The following MYH15 variants were observed in gnomAD, a reference collection of about 807,000 sequenced individuals.
MYH15 encodes the protein myosin heavy chain 15, also known as myosin-15.
In MYH15, 227 loss-of-function variants were observed where a neutral mutation model predicts 240.5. The observed-to-expected ratio is 0.94, with a 90% confidence interval of 0.85 to 1.05. MYH15 has a LOEUF of 1.05. MYH15 is among the 50% of genes least tolerant of loss of function. The pLI, the probability that MYH15 is intolerant of heterozygous loss-of-function variation, is 0.00. For synonymous variants in MYH15, 785 were observed against 796.7 expected (o/e 0.99, Z 0.25); for missense variants, 2,217 against 2,247.5 (o/e 0.99, Z 0.27).
At chr3:108,479,428 C>G (rs2083247644) in intron 11 of MYH15, among the ~76,000 whole-genome samples, 1 of 152,160 alleles carries the variant, frequency 6.6e-6, no homozygotes, top group Non-Finnish European at 1.5e-5. Flanking sequence ...CTGGGCCGCT[C>G]TAGTTTTATC....
the MYH15 span, among the ~76,000 whole-genome samples, chr3:108,538,875 G>A: frequency 6.6e-6 from 1 of 152,156 alleles, no homozygotes; most frequent in South Asian, 2.1e-4. Context: ...CATCCCGTGA[G>A]GGTCTTCTTG....
intron 9 of MYH15, among the ~76,000 whole-genome samples, chr3:108,487,954 A>T (rs2083318520): frequency 6.6e-6 from 1 of 152,220 alleles, no homozygotes; most frequent in South Asian, 2.1e-4. Context: ...TTATTTTTTA[A>T]ATTGACAATT....
chr3:108,416,430 A>G (rs1170354866), intron 29 of MYH15, among the ~76,000 whole-genome samples: 1 of 152,262 alleles, frequency 6.6e-6, no homozygotes, highest in African/African-American at 2.4e-5. Context: ...ACTAATTTCT[A>G]TAATTTATTG....
intron 1 of MYH15, among the ~76,000 whole-genome samples, chr3:108,524,449 G>A (rs1216080081): frequency 6.6e-6 from 1 of 151,866 alleles, no homozygotes; most frequent in African/African-American, 2.4e-5. Context: ...TACATTTTGT[G>A]TGCTAATCCT....
chr3:108,416,759 T>TA lies in MYH15; in HGVS notation c.3948+52dup, dbSNP rs56933265. 1,989 of 1,414,686 alleles carry TA rather than the reference T, an allele frequency of 1.4e-3. 7 individuals are homozygous for TA. The African/African-American group carries it at 0.017, about 12-fold the overall frequency. 87.6% of individuals were successfully genotyped at this position (1,414,686 alleles called of 1,614,324 possible). A position where few individuals can be genotyped will look rare whatever the true frequency, so the allele number is the denominator to read the frequency against. On this transcript the variant is annotated intron_variant, in intron 29 of 40. Transcript: ENST00000693548. ...GGCTGATTCATCAAGCACTATTTTTTAAAAAAAAAAACACACAGTCAAGAA... is the reference window on the plus strand; with the variant it reads ...GGCTGATTCATCAAGCACTATTTTTTAAAAAAAAAAAACACACAGTCAAGAA...
At chr3:108,530,651 G>A (rs1463425232), upstream of MYH15, among the ~76,000 whole-genome samples, 1 of 152,182 alleles carries the variant, frequency 6.6e-6, no homozygotes, top group African/African-American at 2.4e-5. Flanking sequence ...TTGATAATGG[G>A]TGAGGCTATG....
At chr3:108,463,511 A>G (rs1233729209) in intron 15 of MYH15, among the ~76,000 whole-genome samples, 1 of 151,724 alleles carries the variant, frequency 6.6e-6, no homozygotes, top group Non-Finnish European at 1.5e-5. Flanking sequence ...TATTTTGTGT[A>G]TGTGTGGAGA....
At chr3:108,484,836 T>C (rs893969733) in intron 11 of MYH15, among the ~76,000 whole-genome samples, 1 of 152,212 alleles carries the variant, frequency 6.6e-6, no homozygotes, top group African/African-American at 2.4e-5. Flanking sequence ...AGGCATACTG[T>C]GTCTTAATTC....
the MYH15 span, among the ~76,000 whole-genome samples, chr3:108,535,876 C>T: frequency 1.3e-5 from 2 of 152,198 alleles, no homozygotes; most frequent in Non-Finnish European, 2.9e-5. Context: ...AAGATGTCCC[C>T]TAACTTGCAA....
intron 1 of MYH15, among the ~76,000 whole-genome samples, chr3:108,525,162 T>C (rs1340016928): frequency 1.3e-5 from 2 of 152,074 alleles, no homozygotes; most frequent in Non-Finnish European, 2.9e-5. Flanking sequence ...AAATGGATAT[T>C]GGTCACTGCA....
intron 1 of MYH15, among the ~76,000 whole-genome samples, chr3:108,506,343 G>A (rs1026574099): frequency 6.6e-6 from 1 of 152,184 alleles, no homozygotes; most frequent in African/African-American, 2.4e-5. Flanking sequence ...GGCAGGTTGA[G>A]GAGAGAGAAT....
At chr3:108,452,488 T>TA (rs1355605217) in intron 21 of MYH15, among the ~76,000 whole-genome samples, 2 of 152,132 alleles carry the variant, frequency 1.3e-5, no homozygotes, top group Admixed American at 6.6e-5. Flanking sequence ...ATACAGCAGT[T>TA]AAAATCAATA....
chr3:108,510,447 C>T lies in MYH15; in HGVS notation c.84G>A (p.Leu28=). The change falls in exon 1 of 41, where the codon TTG becomes TTA. Residue 28 remains leucine, a synonymous_variant. Coordinates refer to ENST00000693548, the MANE Select transcript of MYH15 (RefSeq NM_014981.3). ...AGCAACCACCACATGTCTCACCATCCAAGGCTGTGGCCTGTAGTAGAAGCA... is the reference window on the plus strand; with the variant it reads ...AGCAACCACCACATGTCTCACCATCTAAGGCTGTGGCCTGTAGTAGAAGCA... ...AELLLLQATA[L]DGKKKCWIPD... 1 of 1,607,022 alleles carries T rather than the reference C, an allele frequency of 6.2e-7. No individual in the cohort carries two copies. Among genetic ancestry groups the T allele is most frequent in the Non-Finnish European group, 8.5e-7 (1 of 1,177,858 alleles).
At chr3:108,393,563 A>G (rs2082437065) in intron 36 of MYH15, among the ~76,000 whole-genome samples, 1 of 152,262 alleles carries the variant, frequency 6.6e-6, no homozygotes, top group Admixed American at 6.5e-5. Flanking sequence ...GCAGCCCTGA[A>G]ACCCTTTTTT....
Position 108,470,233 on chromosome 3 carries a change from A to T in MYH15, c.1384-21T>A, listed in dbSNP as rs374738227. 8.0e-5 allele frequency: 122 copies of T among 1,523,204 alleles called. No individual in the cohort carries two copies. The African/African-American group carries it at 1.5e-3, about 19-fold the overall frequency. 94.4% of individuals were successfully genotyped at this position (1,523,204 alleles called of 1,614,324 possible). Reference sequence around the variant, plus strand: ...TTATACTTCAAGGATATGAATAGGTAAGAAGAAGAGATAAAAATAAAATTG... The same window carrying T: ...TTATACTTCAAGGATATGAATAGGTTAGAAGAAGAGATAAAAATAAAATTG... On this transcript the variant is annotated intron_variant, in intron 13 of 40. Coordinates refer to ENST00000693548, the MANE Select transcript of MYH15 (RefSeq NM_014981.3).
rs1342077034 is a variant in MYH15 at position 108,459,375 on chromosome 3, C to G, written c.2007G>C (p.Val669=). 4 of 1,590,554 alleles carry G rather than the reference C, an allele frequency of 2.5e-6. No homozygotes were observed. The African/African-American group carries it at 5.4e-5, about 21-fold the overall frequency. The change falls in exon 18 of 41, where the codon GTG becomes GTC. Residue 669 remains valine (V), a synonymous_variant. Transcript: ENST00000693548. ...PHFVRCINPN[V]NKIPGILDPY... is the part of the protein sequence containing the mutation. Reference sequence around the variant, plus strand: ...TCTAGTTCTTACCTGGTATTTTGTTCACATTGGGATTTATGCATCTCACAA... The same window carrying G: ...TCTAGTTCTTACCTGGTATTTTGTTGACATTGGGATTTATGCATCTCACAA...
chr3:108,452,277 G>A (rs562791902), intron 21 of MYH15, among the ~76,000 whole-genome samples: 1 of 152,232 alleles, frequency 6.6e-6, no homozygotes, highest in African/African-American at 2.4e-5. Context: ...CAGACCAGCT[G>A]CTATCCACAA....
intron 27 of MYH15, among the ~76,000 whole-genome samples, chr3:108,422,495 C>T (rs1358428590): frequency 1.3e-5 from 2 of 152,108 alleles, no homozygotes; most frequent in Non-Finnish European, 2.9e-5. Flanking sequence ...GGATTATAGG[C>T]GATCTTTGAA....
intron 7 of MYH15, 26 bp from the exon 8 acceptor site, chr3:108,493,203 G>C (rs373050279): frequency 3.7e-5 from 59 of 1,602,710 alleles, no homozygotes; most frequent in Non-Finnish European, 4.8e-5. Context: ...AACACAGTCA[G>C]ACACAAAACA....
Sources: gnomAD v4.1 joint callset for allele counts (sites outside exome capture counted in the v4.1 genomes callset) on GRCh38, gnomAD v4.1.1 for gene constraint, MANE v1.5 for transcripts, NCBI Gene and HGNC (gene_info 2026-07-23, HGNC 2026-07-21) for gene names.